Variants in MIPEP observed in about 807,000 individuals in gnomAD.
The protein encoded by MIPEP is mitochondrial intermediate peptidase.
A neutral mutation model predicts 90.3 loss-of-function variants in MIPEP; 79 were observed. The observed-to-expected ratio is 0.87, with a 90% confidence interval of 0.73 to 1.05. MIPEP has a LOEUF of 1.05. Among genes scored for constraint, MIPEP ranks in the 50% least tolerant of loss-of-function variants. The pLI is 0.00. For missense variants in MIPEP, 940 were observed against 905.6 expected, an observed-to-expected ratio of 1.04 and a Z score of -0.49; for synonymous variants, 334 against 315.8, an observed-to-expected ratio of 1.06 and a Z score of -0.61.
At chr13:23,882,885 C>T (rs1259350596) in intron 2 of MIPEP, among the ~76,000 whole-genome samples, 2 of 151,562 alleles carry the variant, frequency 1.3e-5, no homozygotes, top group Non-Finnish European at 2.9e-5. Flanking sequence ...TACTAATCTA[C>T]GGGTTGTGAA....
chr13:23,739,104 T>C (rs1032676703), intron 18 of MIPEP, among the ~76,000 whole-genome samples: 2 of 152,234 alleles, frequency 1.3e-5, no homozygotes, highest in African/African-American at 2.4e-5. Flanking sequence ...TCAGGTGAAA[T>C]AGAAAACAAT....
intron 1 of MIPEP, chr13:23,888,136 T>C (rs1459111234): frequency 2.3e-6 from 1 of 440,152 alleles, no homozygotes; most frequent in South Asian, 1.7e-5. Context: ...TAAAATTAGT[T>C]ATATCTCATC....
intron 2 of MIPEP, among the ~76,000 whole-genome samples, chr13:23,883,278 G>A (rs1239610097): frequency 9.2e-5 from 14 of 151,678 alleles, no homozygotes; most frequent in African/African-American, 2.9e-4. Context: ...GTCAAAATAA[G>A]ATATAGCGCA....
chr13:23,770,226 T>C (rs1156411583), intron 16 of MIPEP, among the ~76,000 whole-genome samples: 2 of 152,090 alleles, frequency 1.3e-5, no homozygotes, highest in African/African-American at 2.4e-5. Flanking sequence ...TTCCTGTCAC[T>C]CTCCCGTTGT....
chr13:23,829,164 G>C (rs1029837294), intron 14 of MIPEP, among the ~76,000 whole-genome samples: 3 of 152,282 alleles, frequency 2.0e-5, no homozygotes, highest in African/African-American at 7.2e-5. Flanking sequence ...AACCCAGAAA[G>C]AATTTCCAAC....
chr13:23,801,000 CTG>C lies in MIPEP; in HGVS notation c.1848+4948_1848+4949del, dbSNP rs540182464. 7.8e-4 allele frequency among the ~76,000 whole-genome samples: 119 copies of C among 152,338 alleles called. 1 individual carries two copies. In the South Asian group the frequency reaches 0.023, roughly 30 times the overall value. ...GCTAATATAGACATATGCAAAATCA[CTG>C]TCTAAAAGTTTGTACCAGATTATGT... On this transcript the variant is annotated intron_variant, in intron 16 of 18. Coordinates refer to ENST00000382172, the MANE Select transcript of MIPEP (RefSeq NM_005932.4).
intron 16 of MIPEP, among the ~76,000 whole-genome samples, chr13:23,781,749 G>A (rs984371778): frequency 2.0e-5 from 3 of 152,100 alleles, no homozygotes; most frequent in African/African-American, 7.2e-5. Flanking sequence ...AAAATAAAGG[G>A]ATGGAGGAAG....
chr13:23,841,459 G>A lies in MIPEP; in HGVS notation c.1136C>T (p.Pro379Leu), dbSNP rs186455816. ...RYNIEPSLYC[P>L]FFSLGACMEG... is the part of the protein sequence containing the mutation. ...CATGCATGCTCCAAGAGAGAAAAAC[G>A]GGCAATATAGGCTGGGCTCAATATT... The change falls in exon 11 of 19, where the codon CCG becomes CTG. Residue 379 changes from proline to leucine, a missense_variant. Coordinates refer to ENST00000382172, the MANE Select transcript of MIPEP (RefSeq NM_005932.4). 2.6e-4 allele frequency: 420 copies of A among 1,613,686 alleles called. 3 individuals carry two copies. The highest frequency in any genetic ancestry group is 9.6e-4 in the South Asian group (87 of 90,952).
intron 14 of MIPEP, among the ~76,000 whole-genome samples, chr13:23,812,485 A>AG (rs912022315): frequency 1.3e-5 from 2 of 149,844 alleles, no homozygotes; most frequent in Admixed American, 6.7e-5. Flanking sequence ...CTGAGAAATA[A>AG]AAAAAAAATT....
At chr13:23,749,911 C>A (rs1032978400) in intron 18 of MIPEP, among the ~76,000 whole-genome samples, 2 of 152,136 alleles carry the variant, frequency 1.3e-5, no homozygotes, top group African/African-American at 4.8e-5. Context: ...ACCTTCCAGC[C>A]TCATTTTGTG....
intron 16 of MIPEP, among the ~76,000 whole-genome samples, chr13:23,782,616 T>C (rs1360260163): frequency 6.6e-6 from 1 of 151,470 alleles, no homozygotes; most frequent in Non-Finnish European, 1.5e-5. Context: ...AGAGAAGAAC[T>C]GAAGGAGACA....
intron 7 of MIPEP, among the ~76,000 whole-genome samples, chr13:23,867,208 C>T (rs1268430611): frequency 6.6e-6 from 1 of 152,082 alleles, no homozygotes; most frequent in Non-Finnish European, 1.5e-5. Context: ...TACTTAATGC[C>T]GCCCCTTGTC....
At chr13:23,879,074 T>A (rs933239390) in intron 4 of MIPEP, among the ~76,000 whole-genome samples, 194 bp downstream of exon 4, 4 of 151,886 alleles carry the variant, frequency 2.6e-5, no homozygotes, top group South Asian at 4.2e-4. Flanking sequence ...GAGGGTAGAG[T>A]CTGACCCTGT....
At chr13:23,806,716 A>ATATCTATCTATCTATCTATC (rs10675933) in intron 15 of MIPEP, among the ~76,000 whole-genome samples, 3 of 147,154 alleles carry the variant, frequency 2.0e-5, no homozygotes, top group Non-Finnish European at 3.0e-5. Flanking sequence ...AAAAAAATCT[A>ATATCTATCTATCTATCTATC]TATCTATCTA....
chr13:23,750,658 A>G (rs1188238475), intron 18 of MIPEP, among the ~76,000 whole-genome samples: 4 of 152,232 alleles, frequency 2.6e-5, no homozygotes, highest in African/African-American at 4.8e-5. Context: ...CTCACTCTGC[A>G]CTGCCCACAT....
chr13:23,809,323 T>C (rs1953146114), intron 15 of MIPEP, among the ~76,000 whole-genome samples: 1 of 151,882 alleles, frequency 6.6e-6, no homozygotes, highest in Admixed American at 6.6e-5. Context: ...AGCTTTCATT[T>C]TTTCCCAACT....
chr13:23,806,121 G>C, intron 15 of MIPEP, 52 bp from the exon 16 acceptor site: 1 of 1,602,312 alleles, frequency 6.2e-7, no homozygotes, highest in Non-Finnish European at 8.5e-7. Flanking sequence ...CTCACATCAA[G>C]ATGTGGTTGA....
intron 14 of MIPEP, among the ~76,000 whole-genome samples, chr13:23,819,730 C>T (rs899751503): frequency 5.9e-5 from 9 of 151,868 alleles, no homozygotes; most frequent in Admixed American, 1.3e-4. Flanking sequence ...GAAAAAAAGC[C>T]GGACACGGTG....
At chr13:23,798,951 T>C (rs1019251824) in intron 16 of MIPEP, among the ~76,000 whole-genome samples, 2 of 151,290 alleles carry the variant, frequency 1.3e-5, no homozygotes, top group Non-Finnish European at 3.0e-5. Context: ...TTAATACATA[T>C]AATACATCCC....
Sources: gnomAD v4.1 joint callset for allele counts (sites outside exome capture counted in the v4.1 genomes callset) on GRCh38, gnomAD v4.1.1 for gene constraint, MANE v1.5 for transcripts, NCBI Gene and HGNC (gene_info 2026-07-23, HGNC 2026-07-21) for gene names.